Variants in LY75 observed in about 807,000 individuals in gnomAD.
LY75 encodes lymphocyte antigen 75, also known as C-type lectin domain family 13 member B.
A neutral mutation model predicts 231.7 loss-of-function variants in LY75; 185 were observed. That is an observed-to-expected ratio of 0.80 (90% CI 0.71 to 0.90). LY75 has a LOEUF of 0.90. LY75 is among the 40% of genes least tolerant of loss of function. The pLI, the probability that LY75 is intolerant of heterozygous loss-of-function variation, is 0.00. For missense variants in LY75, 1,947 were observed against 2,050.2 expected, an observed-to-expected ratio of 0.95 and a Z score of 0.97; for synonymous variants, 668 against 689.0, an observed-to-expected ratio of 0.97 and a Z score of 0.48.
rs188420015 is a variant in LY75 at position 159,834,526 on chromosome 2, C to T, written c.3674-315G>A. ...GTACAAGGGACCACCCCTAGAGATG[C>T]TGTACAAACATATTCATTATTAAAA... On this transcript the variant is annotated intron_variant, in intron 26 of 34. Coordinates refer to ENST00000263636, the MANE Select transcript of LY75 (RefSeq NM_002349.4). Among the ~76,000 whole-genome samples, 18 of 152,302 alleles carry T rather than the reference C, an allele frequency of 1.2e-4. No homozygotes were observed. In the East Asian group the frequency reaches 3.5e-3, roughly 29 times the overall value.
rs560078185 is a variant in LY75 at position 159,861,704 on chromosome 2, T to C, written c.2200-815A>G. Among the ~76,000 whole-genome samples the C allele has an allele frequency of 4.6e-5, 7 of 152,318 alleles. No individual in the cohort carries two copies. In the East Asian group the frequency reaches 1.3e-3, roughly 29 times the overall value. ...AGTGAGTCATACTGGCACCACTGTA[T>C]TCTAGCCTGGGTGACACAGTGAGAC... On this transcript the variant is annotated intron_variant, in intron 14 of 34. Transcript: ENST00000263636.
intron 22 of LY75, 110 bp downstream of exon 22, chr2:159,850,252 A>G: frequency 6.6e-7 from 1 of 1,505,600 alleles, no homozygotes; most frequent in Non-Finnish European, 8.9e-7. Context: ...TATCTGTTCC[A>G]TAACAAAAGA....
intron 31 of LY75, among the ~76,000 whole-genome samples, chr2:159,813,033 C>T (rs1418907916): frequency 1.3e-5 from 2 of 152,230 alleles, no homozygotes; most frequent in Non-Finnish European, 2.9e-5. Context: ...GCATTTCCTT[C>T]CTTTTTAAGG....
intron 23 of LY75, 147 bp downstream of exon 23, chr2:159,849,833 T>G: frequency 2.8e-6 from 3 of 1,063,896 alleles, no homozygotes; most frequent in Non-Finnish European, 3.9e-6. Flanking sequence ...TAGCAATCAC[T>G]AACCTACTTA....
Position 159,852,062 on chromosome 2 carries a change from A to G in LY75, c.2883+139T>C. The G allele has an allele frequency of 2.4e-6, 3 of 1,265,496 alleles. No homozygotes were observed. In the South Asian group the frequency reaches 5.8e-5, roughly 24 times the overall value. The allele number at this position is 1,265,496 out of a possible 1,614,324, so 78.4% of individuals were successfully genotyped here. On this transcript the variant is annotated intron_variant, in intron 21 of 34. Transcript: ENST00000263636. ...GATATCATCCACGGTTTCTGGCAAC[A>G]CAGAGGGCCAGGTGGGATCCTGAAA...
chr2:159,829,255 T>A (rs1021179451), intron 28 of LY75, among the ~76,000 whole-genome samples: 1 of 152,164 alleles, frequency 6.6e-6, no homozygotes, highest in Non-Finnish European at 1.5e-5. Context: ...CACGATTTGG[T>A]TCTTGTTTGC....
intron 12 of LY75, among the ~76,000 whole-genome samples, chr2:159,874,967 AATAT>A (rs1165816444): frequency 7.2e-6 from 1 of 138,090 alleles, no homozygotes. Context: ...ATATATTTAT[AATAT>A]ATATATTGTA....
chr2:159,881,444 G>A (rs1449304086), intron 7 of LY75, among the ~76,000 whole-genome samples: 1 of 152,172 alleles, frequency 6.6e-6, no homozygotes, highest in Non-Finnish European at 1.5e-5. Context: ...TACACAGGTA[G>A]AACATCTGCA....
chr2:159,824,923 CA>C (rs1363761856), intron 28 of LY75, among the ~76,000 whole-genome samples: 1 of 152,092 alleles, frequency 6.6e-6, no homozygotes, highest in African/African-American at 2.4e-5. Context: ...AACAAAGACA[CA>C]ACATATCAGA....
intron 34 of LY75, 76 bp from the exon 35 acceptor site, chr2:159,805,298 G>GT: frequency 9.2e-7 from 1 of 1,083,392 alleles, no homozygotes. Context: ...ATTATGGGTT[G>GT]TGTCACACAT....
intron 6 of LY75, among the ~76,000 whole-genome samples, chr2:159,883,793 T>G (rs1219661865): frequency 2.0e-5 from 3 of 152,228 alleles, no homozygotes; most frequent in Admixed American, 6.5e-5. Flanking sequence ...ATTTCCCCTA[T>G]TATCTTAAAA....
intron 14 of LY75, 68 bp downstream of exon 14, chr2:159,864,771 A>G: frequency 7.1e-7 from 1 of 1,415,566 alleles, no homozygotes; most frequent in Non-Finnish European, 9.4e-7. Context: ...TGTATTATTT[A>G]ACAATCAACT....
At chr2:159,902,623 A>T (rs1197023858) in intron 1 of LY75, 1 of 152,268 alleles carries the variant, frequency 6.6e-6, no homozygotes, top group Non-Finnish European at 1.5e-5. Flanking sequence ...TAGATCACAT[A>T]TTAAGCATTT....
At chr2:159,883,103 A>G (rs942725834) in intron 6 of LY75, among the ~76,000 whole-genome samples, 1 of 131,770 alleles carries the variant, frequency 7.6e-6, no homozygotes, top group Non-Finnish European at 1.6e-5. Context: ...GTAAGAAAAC[A>G]CAGCATCTCT....
intron 6 of LY75, 72 bp from the exon 7 acceptor site, chr2:159,882,387 T>G: frequency 2.0e-6 from 3 of 1,534,894 alleles, no homozygotes; most frequent in Non-Finnish European, 2.6e-6. Context: ...TGCAAATTCT[T>G]TTTTCTTGAA....
At position 159,854,943 on chromosome 2, in the gene LY75, T is replaced by C. The variant is rs138319240; in HGVS notation, c.2384-4A>G. 7.0e-4 allele frequency: 1,124 copies of C among 1,613,760 alleles called. 6 individuals are homozygous for C. The African/African-American group carries it at 0.013, about 19-fold the overall frequency. On this transcript the variant is annotated splice_region_variant and splice_polypyrimidine_tract_variant and intron_variant, in intron 16 of 34. Transcript: ENST00000263636. ...TCTGGTGTTTTTGGAGTACGGCCTG[T>C]ATGAGGAAGAAAGCAAGTGGCATTA...
chr2:159,820,735 T>C (rs1368277379), intron 28 of LY75, among the ~76,000 whole-genome samples: 4 of 152,232 alleles, frequency 2.6e-5, no homozygotes, highest in East Asian at 1.9e-4. Flanking sequence ...GAAATGAACA[T>C]AACTATTTTA....
intron 6 of LY75, among the ~76,000 whole-genome samples, chr2:159,884,841 C>G (rs1019848621): frequency 2.0e-5 from 3 of 152,074 alleles, no homozygotes; most frequent in Non-Finnish European, 2.9e-5. Context: ...GGGGACCACC[C>G]CTGGAGAACC....
intron 31 of LY75, 29 bp from the exon 32 acceptor site, chr2:159,810,704 A>G (rs377494764): frequency 1.9e-6 from 3 of 1,596,310 alleles, no homozygotes; most frequent in South Asian, 2.3e-5. Flanking sequence ...CAGTTGTAAC[A>G]ATGCATGGAA....
Sources: allele counts gnomAD v4.1 joint callset (sites outside exome capture counted in the v4.1 genomes callset), GRCh38; gene constraint gnomAD v4.1.1; transcripts MANE v1.5; gene names NCBI Gene and HGNC (gene_info 2026-07-23, HGNC 2026-07-21).